The following DBT variants were observed in gnomAD, a reference collection of about 807,000 sequenced individuals.
DBT encodes dihydrolipoamide branched chain transacylase E2, also known as lipoamide acyltransferase component of branched-chain alpha-keto acid dehydrogenase complex, mitochondrial.
DBT carries 40 observed loss-of-function variants against 51.3 expected under a neutral mutation model. That is an observed-to-expected ratio of 0.78 (90% CI 0.61 to 1.02). The LOEUF is 1.02. Ranked by LOEUF, DBT falls within the 50% of genes least tolerant of loss-of-function variation. The pLI is 0.00. For missense variants in DBT, 510 were observed against 580.2 expected (o/e 0.88, Z 1.24); for synonymous variants, 181 against 190.4 (o/e 0.95, Z 0.41).
In DBT at chr1:100,188,676, C is replaced by A. The variant is rs555327269; in HGVS notation, c.*7579G>T. On this transcript the variant is annotated 3_prime_UTR_variant, in exon 11 of 11. Transcript: ENST00000370132. ...TTCCACCTGTTCTCATTTCTTCTGT[C>A]CTGTCTCTTGTTGAGTCACAACAGC... is the stretch of plus-strand genomic sequence containing the variant. 2.0e-5 allele frequency: 3 copies of A among 152,362 alleles called. No individual in the cohort carries two copies. The highest frequency in any genetic ancestry group is 7.2e-5 in the African/African-American group (3 of 41,554). The allele number at this position is 152,362 out of a possible 1,614,324, so 9.4% of individuals were successfully genotyped here.
In DBT at chr1:100,210,748, CTG is replaced by C. The variant is rs2100788460; in HGVS notation, c.961_962del (p.Gln321ValfsTer5). ...FLKAASLGLL[Q>X]FPILNASVDE... Reference sequence around the variant, plus strand: ...CCACAGAAGCGTTAAGGATAGGAAACTGTAGTAATCCCAAGGAAGCAGCCTGT... The same window carrying C: ...CCACAGAAGCGTTAAGGATAGGAAACTAGTAATCCCAAGGAAGCAGCCTGT... On this transcript the variant is annotated frameshift_variant, in exon 8 of 11. Transcript: ENST00000370132. LOFTEE classifies it high-confidence loss of function. The C allele has an allele frequency of 6.2e-7, 1 of 1,613,670 alleles. No homozygotes were observed. Among genetic ancestry groups the C allele is most frequent in the Non-Finnish European group, 8.5e-7 (1 of 1,179,732 alleles).
chr1:100,195,714 G>C lies in DBT; in HGVS notation c.*541C>G, dbSNP rs995585243. 6.4e-5 allele frequency: 10 copies of C among 157,206 alleles called. No homozygotes were observed. The highest frequency in any genetic ancestry group is 1.4e-4 in the Non-Finnish European group (10 of 71,122). 9.7% of individuals were successfully genotyped at this position (157,206 alleles called of 1,614,324 possible). A position where few individuals can be genotyped will look rare whatever the true frequency, so the allele number is the denominator to read the frequency against. ...GCGTCTTGCTCTGTCGCCCAGGCTG[G>C]AGTGCAATAGCACGATCTCAGCTCA... is the stretch of plus-strand genomic sequence containing the variant. On this transcript the variant is annotated 3_prime_UTR_variant, in exon 11 of 11. Coordinates refer to ENST00000370132, the MANE Select transcript of DBT (RefSeq NM_001918.5).
At chr1:100,246,124 T>A (rs746359652) in intron 1 of DBT, among the ~76,000 whole-genome samples, 3 of 151,554 alleles carry the variant, frequency 2.0e-5, no homozygotes, top group Non-Finnish European at 4.4e-5. Context: ...TAGCTGGGCA[T>A]GGTGGCGCGT....
Position 100,210,767 on chromosome 1 carries a change from G to A in DBT, c.944C>T (p.Ala315Val), listed in dbSNP as rs1291646978. 6.2e-7 allele frequency: 1 copy of A among 1,613,564 alleles called. No individual in the cohort carries two copies. The highest frequency in any genetic ancestry group is 1.7e-5 in the Admixed American group (1 of 60,026). Residue 315 changes from alanine to valine, a missense_variant, in exon 8 of 11, where the codon GCT becomes GTT. Ala to Val is a moderately conservative substitution (Grantham distance 64). Transcript: ENST00000370132. ...AGGAAACTGTAGTAATCCCAAGGAA[G>A]CAGCCTGTTTAACAGAAAAAGAATG... The part of the protein sequence containing the change: ...LSFMPFFLKA[A>V]SLGLLQFPIL...
chr1:100,219,837 T>C (rs1249489140), intron 4 of DBT, among the ~76,000 whole-genome samples: 1 of 152,108 alleles, frequency 6.6e-6, no homozygotes, highest in Admixed American at 6.6e-5. Flanking sequence ...TTGCTCTGCT[T>C]TGAATAGTTT....
Position 100,206,467 on chromosome 1 carries a change from A to T in DBT, c.1187T>A (p.Phe396Tyr). 6.2e-7 allele frequency: 1 copy of T among 1,613,790 alleles called. No homozygotes were observed. The highest frequency in any genetic ancestry group is 8.5e-7 in the Non-Finnish European group (1 of 1,179,696). ...LSTTDLTGGT[F>Y]TLSNIGSIGG... ...CACTGATCCAATGTTGGAAAGAGTA[A>T]ATGTTCCTCCTGTAAGATCAGTGGT... Residue 396 changes from phenylalanine (F) to tyrosine (Y), a missense_variant, in exon 9 of 11, where the codon TTT becomes TAT. Coordinates refer to ENST00000370132, the MANE Select transcript of DBT (RefSeq NM_001918.5).
rs1662464786 is a variant in DBT at position 100,216,065 on chromosome 1, T to C, written c.690A>G (p.Pro230=). ...SPKVEIMPPP[P]KPKDMTVPIL... is the part of the protein sequence containing the mutation. ...TAGGAACAGTCATGTCTTTTGGCTT[T>C]GGTGGAGGTGGCATAATTTCAACTT... The change falls in exon 6 of 11, where the codon CCA becomes CCG. Residue 230 remains proline, a synonymous_variant. Transcript: ENST00000370132. 6.2e-7 allele frequency: 1 copy of C among 1,613,698 alleles called. No individual in the cohort carries two copies. Among genetic ancestry groups the C allele is most frequent in the Admixed American group, 1.7e-5 (1 of 60,002 alleles).
chr1:100,230,472 G>C (rs1024701593), intron 4 of DBT, among the ~76,000 whole-genome samples: 2 of 151,806 alleles, frequency 1.3e-5, no homozygotes, highest in African/African-American at 4.8e-5. Flanking sequence ...CATCTTTTTT[G>C]CAACATTTCA....
intron 8 of DBT, among the ~76,000 whole-genome samples, chr1:100,210,325 TAAGAAGAAG>T (rs145600331): frequency 0.052 from 7,529 of 143,960 alleles, 253 homozygotes; most frequent in Non-Finnish European, 0.067. Flanking sequence ...ATAATAATAA[TAAGAAGAAG>T]AAGAAGAAGA....
At chr1:100,213,427 C>A in intron 7 of DBT, 2 of 1,580,896 alleles carry the variant, frequency 1.3e-6, no homozygotes, top group African/African-American at 1.3e-5. Context: ...ACTCCTACCT[C>A]GTCACACGGA....
chr1:100,237,745 T>C (rs1663968379), intron 2 of DBT, among the ~76,000 whole-genome samples: 4 of 152,046 alleles, frequency 2.6e-5, no homozygotes, highest in Admixed American at 2.6e-4. Flanking sequence ...CAAGTGATCC[T>C]CCCACCTCAG....
chr1:100,247,969 G>A lies in DBT; in HGVS notation c.51+1801C>T, dbSNP rs138254895. 5.5e-3 allele frequency among the ~76,000 whole-genome samples: 839 copies of A among 152,132 alleles called. 9 individuals carry two copies. The highest frequency in any genetic ancestry group is 0.019 in the African/African-American group (770 of 41,510). On this transcript the variant is annotated intron_variant, in intron 1 of 10. Transcript: ENST00000370132. ...ATACAAAAATTAGCTGGGCATGGTG[G>A]CGTGTGCCTGTAGTCCCAGATATTT...
chr1:100,240,933 G>A (rs376224896), intron 1 of DBT, 49 bp from the exon 2 acceptor site: 39 of 1,565,038 alleles, frequency 2.5e-5, no homozygotes, highest in Middle Eastern at 1.7e-4. Context: ...CAACCATACC[G>A]GCTTATCTCT....
At position 100,189,713 on chromosome 1, in the gene DBT, T is replaced by A. The variant is rs1376562987; in HGVS notation, c.*6542A>T. The A allele has an allele frequency of 6.6e-6, 1 of 152,182 alleles. No individual in the cohort carries two copies. Among genetic ancestry groups the A allele is most frequent in the Non-Finnish European group, 1.5e-5 (1 of 68,022 alleles). The allele number at this position is 152,182 out of a possible 1,614,324, so 9.4% of individuals were successfully genotyped here. ...TTATTCATTTAGTGGCAGTCAGAGG[T>A]AACAATATAAGAAAAGCATTCTGAG... On this transcript the variant is annotated 3_prime_UTR_variant, in exon 11 of 11. Coordinates refer to ENST00000370132, the MANE Select transcript of DBT (RefSeq NM_001918.5).
chr1:100,196,438 A>C lies in DBT; in HGVS notation c.1282-16T>G. On this transcript the variant is annotated splice_polypyrimidine_tract_variant and intron_variant, in intron 10 of 10. Transcript: ENST00000370132. ...GGGGAATGGCCTAGAAATGAAAAAA[A>C]AAAAAAAAAAAAAAAAAAAAAGAAC... is the stretch of plus-strand genomic sequence containing the variant. 4.2e-6 allele frequency: 4 copies of C among 950,642 alleles called. No homozygotes were observed. Among genetic ancestry groups the C allele is most frequent in the Non-Finnish European group, 2.9e-6 (2 of 698,350 alleles). 58.9% of individuals were successfully genotyped at this position (950,642 alleles called of 1,614,324 possible).
intron 4 of DBT, 104 bp downstream of exon 4, chr1:100,230,629 G>GAAAAA (rs11394110): frequency 4.3e-5 from 23 of 534,596 alleles, no homozygotes; most frequent in East Asian, 1.4e-4. Flanking sequence ...AATAGGAATA[G>GAAAAA]AAAAAAAAAA....
At chr1:100,214,080 A>C (rs1570815202) in intron 7 of DBT, among the ~76,000 whole-genome samples, 1 of 152,144 alleles carries the variant, frequency 6.6e-6, no homozygotes, top group Non-Finnish European at 1.5e-5. Flanking sequence ...TGATGGTCTT[A>C]CTCCATTTTA....
At position 100,230,724 on chromosome 1, in the gene DBT, T is replaced by A. The variant is rs1233579745; in HGVS notation, c.433+9A>T. ...AATTTGGTAAAATAGATTAACAGAC[T>A]TACAATACCTTTTAAAGCTTCCGTT... On this transcript the variant is annotated intron_variant, in intron 4 of 10. Coordinates refer to ENST00000370132, the MANE Select transcript of DBT (RefSeq NM_001918.5). 1.3e-6 allele frequency: 2 copies of A among 1,583,458 alleles called. No individual in the cohort carries two copies.
intron 4 of DBT, 104 bp from the exon 5 acceptor site, chr1:100,218,851 T>A (rs992300458): frequency 1.2e-6 from 1 of 841,566 alleles, no homozygotes; most frequent in Non-Finnish European, 1.9e-6. Context: ...TCTAAATAAA[T>A]TAAAGTTTAT....
Sources: allele counts gnomAD v4.1 joint callset (sites outside exome capture counted in the v4.1 genomes callset), GRCh38; gene constraint gnomAD v4.1.1; transcripts MANE v1.5; gene names NCBI Gene and HGNC (gene_info 2026-07-23, HGNC 2026-07-21).